LMNTD1: variants seen among roughly 807,000 people sequenced by gnomAD.
LMNTD1 encodes lamin tail domain-containing protein 1.
Under a neutral mutation model 50.9 loss-of-function variants are expected in LMNTD1, and 35 were observed. The ratio of observed to expected loss-of-function variants is 0.69; its 90% CI spans 0.53 to 0.91. LMNTD1 has a LOEUF of 0.91. LMNTD1 is among the 40% of genes least tolerant of loss of function. The pLI, the probability that LMNTD1 is intolerant of heterozygous loss-of-function variation, is 0.00. For missense variants in LMNTD1, 470 were observed against 475.5 expected (o/e 0.99, Z 0.11); for synonymous variants, 153 against 161.9 (o/e 0.94, Z 0.42).
intron 8 of LMNTD1, among the ~76,000 whole-genome samples, chr12:25,511,719 A>T (rs529904359): frequency 3.1e-4 from 47 of 152,208 alleles, no homozygotes; most frequent in Non-Finnish European, 5.0e-4. Context: ...TATTTTCATA[A>T]TACAGTTGAA....
At chr12:25,546,308 GT>G in intron 4 of LMNTD1, 65 bp downstream of exon 4, 1 of 998,758 alleles carries the variant, frequency 1.0e-6, no homozygotes. Flanking sequence ...TTAGAACTTT[GT>G]TTTCTGCTGA....
chr12:25,502,163 A>G (rs1939429273), intron 9 of LMNTD1, among the ~76,000 whole-genome samples: 1 of 152,224 alleles, frequency 6.6e-6, no homozygotes, highest in Non-Finnish European at 1.5e-5. Context: ...ACCTCTGCCA[A>G]ATTGTTATTC....
At chr12:25,550,537 A>G (rs17337853) in intron 2 of LMNTD1, among the ~76,000 whole-genome samples, 31,401 of 152,150 alleles carry the variant, frequency 0.21, 4,056 homozygotes, top group Middle Eastern at 0.3. Flanking sequence ...TCTATCCACT[A>G]TAAGTCAGGA....
chr12:25,490,652 T>C (rs971047107), intron 9 of LMNTD1, among the ~76,000 whole-genome samples: 2 of 152,248 alleles, frequency 1.3e-5, no homozygotes, highest in African/African-American at 4.8e-5. Flanking sequence ...GTTATTTTGC[T>C]GCTGCTTCTG....
intron 1 of LMNTD1, among the ~76,000 whole-genome samples, chr12:25,621,698 C>T (rs1399569846): frequency 6.6e-6 from 1 of 152,112 alleles, no homozygotes; most frequent in East Asian, 1.9e-4. Flanking sequence ...GACTGAACCC[C>T]TAAAACATGG....
intron 1 of LMNTD1, among the ~76,000 whole-genome samples, chr12:25,612,491 C>T (rs1331289036): frequency 6.6e-6 from 1 of 152,156 alleles, no homozygotes; most frequent in African/African-American, 2.4e-5. Context: ...AGGCTTAGGT[C>T]AAGCAATTTT....
At chr12:25,601,139 A>G (rs1945961277) in intron 1 of LMNTD1, among the ~76,000 whole-genome samples, 2 of 152,008 alleles carry the variant, frequency 1.3e-5, no homozygotes, top group Non-Finnish European at 2.9e-5. Context: ...AAATCCTGTC[A>G]TTTGCAACAA....
intron 9 of LMNTD1, among the ~76,000 whole-genome samples, chr12:25,479,588 C>T (rs1938378190): frequency 6.6e-6 from 1 of 152,194 alleles, no homozygotes; most frequent in African/African-American, 2.4e-5. Flanking sequence ...CATGAGCCCA[C>T]TGCCGCACTT....
intron 8 of LMNTD1, among the ~76,000 whole-genome samples, chr12:25,512,837 G>A (rs1193558763): frequency 6.9e-6 from 1 of 145,496 alleles, no homozygotes; most frequent in Non-Finnish European, 1.5e-5. Flanking sequence ...GGATTCTTAG[G>A]AGAATCTACT....
chr12:25,561,631 G>A (rs1189588118), intron 1 of LMNTD1, among the ~76,000 whole-genome samples: 1 of 152,188 alleles, frequency 6.6e-6, no homozygotes, highest in Non-Finnish European at 1.5e-5. Context: ...ATTTGGGGTG[G>A]AGAGTTCTGT....
chr12:25,644,480 A>T (rs1026920535), intron 1 of LMNTD1, among the ~76,000 whole-genome samples: 7 of 152,152 alleles, frequency 4.6e-5, no homozygotes, highest in African/African-American at 1.7e-4. Context: ...TGTCTCAACA[A>T]CAAACAAACA....
chr12:25,559,270 C>T (rs901786241), intron 1 of LMNTD1, among the ~76,000 whole-genome samples: 6 of 152,074 alleles, frequency 3.9e-5, no homozygotes, highest in African/African-American at 1.4e-4. Flanking sequence ...TGTTCAATTC[C>T]CACCTATGAG....
intron 6 of LMNTD1, 62 bp from the exon 7 acceptor site, chr12:25,520,137 G>GAT (rs1491562549): frequency 7.6e-5 from 21 of 275,578 alleles, no homozygotes; most frequent in Non-Finnish European, 1.3e-4. Flanking sequence ...ATGCTGTTAT[G>GAT]AGATATACAT....
chr12:25,557,863 A>G (rs990625554), upstream of LMNTD1, among the ~76,000 whole-genome samples: 11 of 152,238 alleles, frequency 7.2e-5, no homozygotes, highest in African/African-American at 2.7e-4. Context: ...TATATGGGCA[A>G]TCTCTAGCAG....
intron 1 of LMNTD1, among the ~76,000 whole-genome samples, chr12:25,595,985 C>G (rs1187170952): frequency 6.6e-6 from 1 of 151,914 alleles, no homozygotes; most frequent in African/African-American, 2.4e-5. Flanking sequence ...ACCTAGAAAA[C>G]CTAGGGGAGA....
At chr12:25,559,446 T>A (rs1045244965) in intron 1 of LMNTD1, among the ~76,000 whole-genome samples, 2 of 152,228 alleles carry the variant, frequency 1.3e-5, no homozygotes, top group African/African-American at 4.8e-5. Flanking sequence ...AGTCTATCAT[T>A]GATGGACATT....
At chr12:25,647,728 T>TA (rs1338190568) in intron 1 of LMNTD1, among the ~76,000 whole-genome samples, 1 of 152,198 alleles carries the variant, frequency 6.6e-6, no homozygotes, top group Non-Finnish European at 1.5e-5. Flanking sequence ...GTACTATACA[T>TA]AAAAAAGCAT....
intron 4 of LMNTD1, among the ~76,000 whole-genome samples, chr12:25,527,852 C>CA (rs986458360): frequency 6.6e-6 from 1 of 150,430 alleles, no homozygotes; most frequent in African/African-American, 2.4e-5. Context: ...TCTGAAAAAG[C>CA]AAAAAAATTT....
intron 1 of LMNTD1, among the ~76,000 whole-genome samples, chr12:25,629,340 A>G (rs1037698315): frequency 6.6e-6 from 1 of 152,230 alleles, no homozygotes. Flanking sequence ...AGTGCAAACA[A>G]GAGGTCTGGG....
Sources: allele counts gnomAD v4.1 joint callset (sites outside exome capture counted in the v4.1 genomes callset), GRCh38; gene constraint gnomAD v4.1.1; transcripts MANE v1.5; gene names NCBI Gene and HGNC (gene_info 2026-07-23, HGNC 2026-07-21).